Variants in PTPRD observed in about 807,000 individuals in gnomAD.
PTPRD encodes receptor-type tyrosine-protein phosphatase delta.
PTPRD carries 34 observed loss-of-function variants against 214.5 expected under a neutral mutation model. The observed-to-expected ratio is 0.16, with a 90% CI of 0.12 to 0.21. The LOEUF is 0.21. PTPRD is among the 10% of genes least tolerant of loss of function. The probability of loss-of-function intolerance (pLI) is 1.00; values close to 1 mark genes in which losing one functional copy is unlikely to be tolerated. For synonymous variants in PTPRD, 1,128 were observed against 845.7 expected (o/e 1.33, Z -5.79); for missense variants, 2,545 against 2,398.7 (o/e 1.06, Z -1.27).
At chr9:9,450,846 A>G (rs1439261721) in intron 8 of PTPRD, among the ~76,000 whole-genome samples, 1 of 151,620 alleles carries the variant, frequency 6.6e-6, no homozygotes, top group African/African-American at 2.4e-5. Flanking sequence ...ATAAATATAA[A>G]TCAAAATAAA....
At chr9:9,561,850 T>C (rs974427730) in intron 8 of PTPRD, among the ~76,000 whole-genome samples, 2 of 152,206 alleles carry the variant, frequency 1.3e-5, no homozygotes, top group Non-Finnish European at 1.5e-5. Context: ...TCCAAGCTCT[T>C]ATTGTTGGAA....
At chr9:8,448,470 A>G (rs773113552) in intron 34 of PTPRD, among the ~76,000 whole-genome samples, 10 of 152,194 alleles carry the variant, frequency 6.6e-5, no homozygotes, top group Non-Finnish European at 1.2e-4. Flanking sequence ...TTGCCTTAAT[A>G]AAGTACTGAG....
chr9:10,389,005 A>C (rs1011691049), intron 2 of PTPRD, among the ~76,000 whole-genome samples: 1 of 151,896 alleles, frequency 6.6e-6, no homozygotes, highest in Non-Finnish European at 1.5e-5. Flanking sequence ...GTATTATTAT[A>C]AGAGATCCCA....
At chr9:10,001,462 C>G (rs2096312148) in intron 4 of PTPRD, among the ~76,000 whole-genome samples, 1 of 152,032 alleles carries the variant, frequency 6.6e-6, no homozygotes, top group Admixed American at 6.6e-5. Context: ...GTAGAAACAT[C>G]ATAGTCAAAT....
chr9:10,075,983 G>A (rs7873529), intron 3 of PTPRD, among the ~76,000 whole-genome samples: 1,860 of 152,102 alleles, frequency 0.012, 19 homozygotes, highest in Non-Finnish European at 0.019. Context: ...CTCAGAGTAC[G>A]CCCTGAATCA....
intron 9 of PTPRD, among the ~76,000 whole-genome samples, chr9:9,267,101 C>A (rs904283280): frequency 1.3e-5 from 2 of 151,162 alleles, no homozygotes; most frequent in Admixed American, 6.6e-5. Context: ...GCTAATTACC[C>A]TGATGGATCA....
chr9:9,416,488 C>A lies in PTPRD; in HGVS notation c.-236-19006G>T, dbSNP rs559797606. 5.9e-5 allele frequency among the ~76,000 whole-genome samples: 9 copies of A among 152,254 alleles called. No individual in the cohort carries two copies. The East Asian group carries it at 1.7e-3, about 29-fold the overall frequency. ...TGATAACACTGCCTTGTGAACAGAG[C>A]GTGCTCGGTGAATGTTATTGCTGTC... On this transcript the variant is annotated intron_variant, in intron 8 of 45. Transcript: ENST00000381196.
At chr9:9,730,380 G>T (rs955191889) in intron 7 of PTPRD, among the ~76,000 whole-genome samples, 1 of 151,992 alleles carries the variant, frequency 6.6e-6, no homozygotes, top group African/African-American at 2.4e-5. Context: ...ACTGCAGAAG[G>T]GTTAAGTGGG....
chr9:8,792,998 G>A (rs972698140), intron 11 of PTPRD, among the ~76,000 whole-genome samples: 2 of 152,278 alleles, frequency 1.3e-5, no homozygotes, highest in African/African-American at 2.4e-5. Context: ...TGCCCCTGCT[G>A]CCAATAAGGA....
chr9:9,598,161 C>T, intron 7 of PTPRD, among the ~76,000 whole-genome samples: 1 of 151,940 alleles, frequency 6.6e-6, no homozygotes, highest in Non-Finnish European at 1.5e-5. Context: ...TCAATTCCAC[C>T]ATGGCACAGA....
chr9:9,219,230 GTC>G (rs2099954270), intron 9 of PTPRD, among the ~76,000 whole-genome samples: 1 of 151,346 alleles, frequency 6.6e-6, no homozygotes, highest in East Asian at 1.9e-4. Context: ...TAAAAACACT[GTC>G]TGCAAAGATT....
intron 7 of PTPRD, among the ~76,000 whole-genome samples, chr9:9,716,760 A>T (rs1165248591): frequency 1.3e-5 from 2 of 151,764 alleles, no homozygotes; most frequent in Admixed American, 6.6e-5. Context: ...GCCCTTTGTC[A>T]GATGAGTAGG....
At position 8,909,735 on chromosome 9, in the gene PTPRD, A is replaced by G. The variant is rs958993920; in HGVS notation, c.-104+108962T>C. On this transcript the variant is annotated intron_variant, in intron 11 of 45. Coordinates refer to ENST00000381196, the MANE Select transcript of PTPRD (RefSeq NM_002839.4). ...TATTCTGGAACCATGTAAACATCAA[A>G]TAAGGTGGAAGACATAGAGATAGAG... Among the ~76,000 whole-genome samples the G allele has an allele frequency of 2.6e-5, 4 of 152,064 alleles. No homozygotes were observed. The South Asian group carries it at 8.3e-4, about 32-fold the overall frequency.
chr9:9,462,764 A>G (rs565729348), intron 8 of PTPRD, among the ~76,000 whole-genome samples: 1 of 152,278 alleles, frequency 6.6e-6, no homozygotes, highest in South Asian at 2.1e-4. Flanking sequence ...ACTTCGGAGT[A>G]TAGCAGGTGA....
At chr9:8,885,315 A>C (rs1369095030) in intron 11 of PTPRD, among the ~76,000 whole-genome samples, 3 of 151,992 alleles carry the variant, frequency 2.0e-5, no homozygotes, top group Admixed American at 6.6e-5. Context: ...GGGGTTTCTC[A>C]GGGCATGGGA....
chr9:10,296,940 T>C (rs2095692471), intron 3 of PTPRD, among the ~76,000 whole-genome samples: 1 of 151,854 alleles, frequency 6.6e-6, no homozygotes, highest in African/African-American at 2.4e-5. Flanking sequence ...AAGGTTACAA[T>C]ATTTCCCATT....
intron 8 of PTPRD, among the ~76,000 whole-genome samples, chr9:9,566,169 A>C (rs1219085491): frequency 6.6e-6 from 1 of 151,898 alleles, no homozygotes; most frequent in Non-Finnish European, 1.5e-5. Flanking sequence ...CACTAATTAC[A>C]TTTATACGTG....
intron 5 of PTPRD, among the ~76,000 whole-genome samples, chr9:9,800,281 G>A (rs1016983716): frequency 6.6e-6 from 1 of 152,138 alleles, no homozygotes; most frequent in African/African-American, 2.4e-5. Context: ...CCTACAGTGA[G>A]CTATGATTGA....
At chr9:8,899,150 C>A (rs937834534) in intron 11 of PTPRD, among the ~76,000 whole-genome samples, 10 of 152,244 alleles carry the variant, frequency 6.6e-5, no homozygotes, top group African/African-American at 2.4e-4. Context: ...GATTGTTTAT[C>A]TGCTGGGCAG....
Sources: allele counts gnomAD v4.1 joint callset (sites outside exome capture counted in the v4.1 genomes callset), GRCh38; gene constraint gnomAD v4.1.1; transcripts MANE v1.5; gene names NCBI Gene and HGNC (gene_info 2026-07-23, HGNC 2026-07-21).